Variants in VPS9D1 observed in about 807,000 individuals in gnomAD.
VPS9D1 encodes the protein VPS9 domain containing 1, also known as VPS9 domain-containing protein 1.
In VPS9D1, 78 loss-of-function variants were observed where a neutral mutation model predicts 75.8. The observed-to-expected ratio is 1.03, with a 90% CI of 0.86 to 1.24. The LOEUF is 1.24. Ranked by LOEUF, VPS9D1 falls within the 50% of genes most tolerant of loss-of-function variation. The probability of loss-of-function intolerance (pLI) is 0.00; values close to 1 mark genes in which losing one functional copy is unlikely to be tolerated. For synonymous variants in VPS9D1, 481 were observed against 385.6 expected (o/e 1.25, Z -2.90); for missense variants, 1,057 against 847.7 (o/e 1.25, Z -3.07).
intron 6 of VPS9D1, 165 bp from the exon 7 acceptor site, chr16:89,712,264 G>C (rs2060949489): frequency 3.8e-6 from 5 of 1,333,284 alleles, no homozygotes; most frequent in African/African-American, 1.5e-5. Flanking sequence ...CTCAAGCCAG[G>C]AGGGCCGGGC....
intron 2 of VPS9D1, chr16:89,717,678 C>T (rs757652977): frequency 3.5e-5 from 16 of 456,450 alleles, no homozygotes; most frequent in African/African-American, 8.0e-5. Flanking sequence ...TTGCCAGACA[C>T]GGTGGGCCAC....
intron 8 of VPS9D1, 138 bp from the exon 9 acceptor site, chr16:89,711,550 G>T: frequency 1.2e-6 from 1 of 836,520 alleles, no homozygotes; most frequent in Non-Finnish European, 1.8e-6. Flanking sequence ...AGCAGGCCCC[G>T]CGACCCGCCC....
rs998847972 is a variant in VPS9D1, at chr16:89,711,132, A to G, written c.834-122T>C. On this transcript the variant is annotated intron_variant, in intron 9 of 14. Coordinates refer to ENST00000389386, the MANE Select transcript of VPS9D1 (RefSeq NM_004913.3). Reference sequence around the variant, plus strand: ...ATTACCTCCTGACAGTGAATGTTGGAAAGTCTGCCCCCCGCCCCCGCTGGG... The same window carrying G: ...ATTACCTCCTGACAGTGAATGTTGGGAAGTCTGCCCCCCGCCCCCGCTGGG... 2.4e-6 allele frequency: 3 copies of G among 1,246,990 alleles called. No individual in the cohort carries two copies. The East Asian group carries it at 7.8e-5, about 33-fold the overall frequency. 77.2% of individuals were successfully genotyped at this position (1,246,990 alleles called of 1,614,324 possible). A position where few individuals can be genotyped will look rare whatever the true frequency, so the allele number is the denominator to read the frequency against.
rs1022554296 is a variant in VPS9D1, at chr16:89,720,832, C to T, written c.30G>A (p.Val10=). 1 of 1,441,232 alleles carries T rather than the reference C, an allele frequency of 6.9e-7. No homozygotes were observed. Among genetic ancestry groups the T allele is most frequent in the Non-Finnish European group, 9.2e-7 (1 of 1,092,112 alleles). The allele number at this position is 1,441,232 out of a possible 1,614,324, so 89.3% of individuals were successfully genotyped here. A position where few individuals can be genotyped will look rare whatever the true frequency, so the allele number is the denominator to read the frequency against. MAAAAGDGT[V]KPLQSAMKLA... ...GCTTCATGGCGCTCTGCAGCGGCTT[C>T]ACCGTGCCGTCCCCGGCCGCAGCGG... The change falls in exon 1 of 15, where the codon GTG becomes GTA. Residue 10 remains valine (V), a synonymous_variant. Transcript: ENST00000389386.
At position 89,719,076 on chromosome 16, in the gene VPS9D1, GCTC is replaced by G; in HGVS notation, c.123_125del (p.Arg41del). 6.2e-7 allele frequency: 1 copy of G among 1,613,628 alleles called. No homozygotes were observed. The highest frequency in any genetic ancestry group is 8.5e-7 in the Non-Finnish European group (1 of 1,179,898). On this transcript the variant is annotated inframe_deletion, in exon 2 of 15. Coordinates refer to ENST00000389386, the MANE Select transcript of VPS9D1 (RefSeq NM_004913.3). ...GTAACACCTGGGAGATATAGTGGAT[GCTC>G]CTCAGGTATTCCGTGTATGCCTCCT...
At position 89,711,418 on chromosome 16, in the gene VPS9D1, G is replaced by C; in HGVS notation, c.748-6C>G. 6.2e-7 allele frequency: 1 copy of C among 1,601,976 alleles called. No individual in the cohort carries two copies. Among genetic ancestry groups the C allele is most frequent in the Admixed American group, 1.7e-5 (1 of 58,312 alleles). On this transcript the variant is annotated splice_polypyrimidine_tract_variant and splice_region_variant and intron_variant, in intron 8 of 14. Transcript: ENST00000389386. ...TTCCAGTGCTTCGGCCAGTCCTACG[G>C]GACAGGGGGCCTTGAAGGAAAGCAC...
In VPS9D1 at chr16:89,709,294, G is replaced by A. The variant is rs767137404; in HGVS notation, c.1530C>T (p.Cys510=). 112 of 1,609,228 alleles carry A rather than the reference G, an allele frequency of 7.0e-5. 1 individual carries two copies. The South Asian group carries it at 1.0e-3, about 15-fold the overall frequency. Residue 510 remains cysteine (C), a synonymous_variant, in exon 12 of 15, where the codon TGC becomes TGT. Transcript: ENST00000389386. ...GCAGTCCGAGCTCCTGGGCCGCCGCGCAGTAGGGGTAGCCAGTGGCCCCCT... is the reference window on the plus strand; with the variant it reads ...GCAGTCCGAGCTCCTGGGCCGCCGCACAGTAGGGGTAGCCAGTGGCCCCCT... The part of the protein sequence containing the change: ...EAKGATGYPY[C]AAAQELGLLV...
In VPS9D1 at chr16:89,709,213, T is replaced by C; in HGVS notation, c.1597+14A>G. On this transcript the variant is annotated intron_variant, in intron 12 of 14. Transcript: ENST00000389386. The stretch of plus-strand genomic sequence containing the variant: ...GGGAGCCTGTCCCTCCCCCTGACTC[T>C]CGAACCTGCTGACCTATGCACTCCA... The C allele has an allele frequency of 6.2e-7, 1 of 1,611,816 alleles. No homozygotes were observed.
chr16:89,712,755 C>CCCAGTGGTGT (rs2060966419), intron 4 of VPS9D1, 39 bp from the exon 5 acceptor site: 8 of 1,492,684 alleles, frequency 5.4e-6, no homozygotes, highest in Admixed American at 2.3e-5. Context: ...CCCCAGGAAG[C>CCCAGTGGTGT]CCAGTGGTGT....
chr16:89,713,513 C>G (rs1389616363), intron 4 of VPS9D1, among the ~76,000 whole-genome samples: 1 of 151,816 alleles, frequency 6.6e-6, no homozygotes, highest in Non-Finnish European at 1.5e-5. Context: ...CTCGGCCTCC[C>G]AAAGTACTGG....
chr16:89,718,399 G>A (rs1426228385), intron 2 of VPS9D1, among the ~76,000 whole-genome samples: 1 of 152,118 alleles, frequency 6.6e-6, no homozygotes, highest in African/African-American at 2.4e-5. Context: ...CCCAAGGCAT[G>A]CACACAGCCC....
intron 2 of VPS9D1, 33 bp from the exon 3 acceptor site, chr16:89,716,855 G>A (rs1378011417): frequency 1.2e-5 from 18 of 1,556,276 alleles, no homozygotes; most frequent in Admixed American, 4.3e-5. Context: ...GGTCACAGTC[G>A]GCTCTACCAC....
rs2151618620 is a variant in VPS9D1 at position 89,708,727 on chromosome 16, C to T, written c.1697+130G>A. The T allele has an allele frequency of 3.4e-6, 4 of 1,162,596 alleles. No homozygotes were observed. The South Asian group carries it at 6.2e-5, about 18-fold the overall frequency. 72.0% of individuals were successfully genotyped at this position (1,162,596 alleles called of 1,614,324 possible). ...TACTGCGGAGCCAGGGCTGGGCCCACACGGCCCTCCTGCTTCTACAGTGCA... is the reference window on the plus strand; with the variant it reads ...TACTGCGGAGCCAGGGCTGGGCCCATACGGCCCTCCTGCTTCTACAGTGCA... On this transcript the variant is annotated intron_variant, in intron 13 of 14. Transcript: ENST00000389386.
chr16:89,711,801 A>C (rs1346483456), intron 8 of VPS9D1, 81 bp downstream of exon 8: 21 of 1,398,300 alleles, frequency 1.5e-5, no homozygotes, highest in Admixed American at 4.8e-5. Flanking sequence ...TCCGCCCCCC[A>C]CGGGGGCCCA....
At position 89,711,869 on chromosome 16, in the gene VPS9D1, G is replaced by T. The variant is rs1218739019; in HGVS notation, c.747+13C>A. 1.9e-6 allele frequency: 3 copies of T among 1,549,606 alleles called. No homozygotes were observed. The highest frequency in any genetic ancestry group is 1.7e-6 in the Non-Finnish European group (2 of 1,146,226). ...GGCTCCTCCTACAAAGCCTGGGCCCGTGGGGGACGCACATGGTCCTGTTCG... is the reference window on the plus strand; with the variant it reads ...GGCTCCTCCTACAAAGCCTGGGCCCTTGGGGGACGCACATGGTCCTGTTCG... On this transcript the variant is annotated intron_variant, in intron 8 of 14. Coordinates refer to ENST00000389386, the MANE Select transcript of VPS9D1 (RefSeq NM_004913.3).
intron 8 of VPS9D1, 88 bp downstream of exon 8, chr16:89,711,794 G>GCA: frequency 1.4e-6 from 2 of 1,429,076 alleles, no homozygotes; most frequent in Non-Finnish European, 1.9e-6. Context: ...CTCTGGCTCC[G>GCA]CCCCCCACGG....
Position 89,708,850 on chromosome 16 carries a change from G to A in VPS9D1, c.1697+7C>T, listed in dbSNP as rs778411569. On this transcript the variant is annotated splice_region_variant and intron_variant, in intron 13 of 14. Coordinates refer to ENST00000389386, the MANE Select transcript of VPS9D1 (RefSeq NM_004913.3). ...CCCTGGCCACACCTCGCCCTCCTGG[G>A]ACTCACATGGCAGCTGCAGCGATGG... is the stretch of plus-strand genomic sequence containing the variant. The A allele has an allele frequency of 1.3e-6, 2 of 1,576,406 alleles. No homozygotes were observed. Among genetic ancestry groups the A allele is most frequent in the Non-Finnish European group, 1.7e-6 (2 of 1,168,852 alleles).
chr16:89,709,368 T>G lies in VPS9D1; in HGVS notation c.1456A>C (p.Thr486Pro), dbSNP rs1597902715. The G allele has an allele frequency of 1.3e-6, 2 of 1,571,452 alleles. No individual in the cohort carries two copies. The highest frequency in any genetic ancestry group is 1.7e-6 in the Non-Finnish European group (2 of 1,162,888). The change falls in exon 12 of 15, where the codon ACC becomes CCC. Residue 486 changes from threonine to proline, a missense_variant. Physicochemically the swap from Thr to Pro is conservative, Grantham distance 38. Coordinates refer to ENST00000389386, the MANE Select transcript of VPS9D1 (RefSeq NM_004913.3). ...SMELYRNAPP[T>P]AIGIPTKLLP... ...AGCTTGGTGGGGATGCCAATGGCGGTGGGGGGTGCATTCCTGTAGAGCTCC... is the reference window on the plus strand; with the variant it reads ...AGCTTGGTGGGGATGCCAATGGCGGGGGGGGGTGCATTCCTGTAGAGCTCC...
chr16:89,707,921 T>C lies in VPS9D1; in HGVS notation c.1836A>G (p.Thr612=), dbSNP rs2151616982. ...CGTAGCTCAGGGCACTCTGCAGTGA[T>C]GTGAGGCAGTAGCCCTCCTCTCCGA... ...YLIGEEGYCL[T]SLQSALSYVE... is the part of the protein sequence containing the mutation. Residue 612 remains threonine, a synonymous_variant, in exon 15 of 15, where the codon ACA becomes ACG. Coordinates refer to ENST00000389386, the MANE Select transcript of VPS9D1 (RefSeq NM_004913.3). The C allele has an allele frequency of 6.2e-7, 1 of 1,613,080 alleles. No individual in the cohort carries two copies. The highest frequency in any genetic ancestry group is 8.5e-7 in the Non-Finnish European group (1 of 1,179,946).
Sources: gnomAD v4.1 joint callset for allele counts (sites outside exome capture counted in the v4.1 genomes callset) on GRCh38, gnomAD v4.1.1 for gene constraint, MANE v1.5 for transcripts, NCBI Gene and HGNC (gene_info 2026-07-23, HGNC 2026-07-21) for gene names.